The following GRM7 variants were observed in gnomAD, a reference collection of about 807,000 sequenced individuals.
The protein encoded by GRM7 is metabotropic glutamate receptor 7.
GRM7 carries 35 observed loss-of-function variants against 84.5 expected under a neutral mutation model. That is an observed-to-expected ratio of 0.41 (90% CI 0.32 to 0.55). The LOEUF is 0.55. GRM7 is among the 20% of genes least tolerant of loss of function. GRM7 has a pLI of 0.19. For synonymous variants in GRM7, 487 were observed against 455.1 expected, an observed-to-expected ratio of 1.07 and a Z score of -0.89; for missense variants, 1,003 against 1,194.6, an observed-to-expected ratio of 0.84 and a Z score of 2.36.
Position 7,363,773 on chromosome 3 carries a change from C to T in GRM7, c.1034-51250C>T, listed in dbSNP as rs537503836. Reference sequence around the variant, plus strand: ...CCACCGGCAGTTAACAAGAGCTCCTCGAATTCTACATCTTCAACCCTTGAT... The same window carrying T: ...CCACCGGCAGTTAACAAGAGCTCCTTGAATTCTACATCTTCAACCCTTGAT... On this transcript the variant is annotated intron_variant, in intron 4 of 9. Coordinates refer to ENST00000357716, the MANE Select transcript of GRM7 (RefSeq NM_000844.4). 4.6e-5 allele frequency among the ~76,000 whole-genome samples: 7 copies of T among 152,130 alleles called. No individual in the cohort carries two copies. The South Asian group carries it at 1.0e-3, about 23-fold the overall frequency.
intron 1 of GRM7, among the ~76,000 whole-genome samples, chr3:6,942,600 A>G (rs1276265563): frequency 6.6e-6 from 1 of 152,120 alleles, no homozygotes; most frequent in Admixed American, 6.6e-5. Flanking sequence ...TCCATTGTAT[A>G]GTTCACACCA....
At chr3:7,083,362 T>G (rs1698332508) in intron 1 of GRM7, among the ~76,000 whole-genome samples, 1 of 152,158 alleles carries the variant, frequency 6.6e-6, no homozygotes, top group Admixed American at 6.5e-5. Context: ...ATATTTTTTA[T>G]GTATAGTACT....
Position 7,085,950 on chromosome 3 carries a change from G to T in GRM7, c.520-60502G>T, listed in dbSNP as rs890316839. ...TGATGTATAGTTAATAAAATAAAATGTGATAGAAATAATAATGGCAAATTT... is the reference window on the plus strand; with the variant it reads ...TGATGTATAGTTAATAAAATAAAATTTGATAGAAATAATAATGGCAAATTT... On this transcript the variant is annotated intron_variant, in intron 1 of 9. Coordinates refer to ENST00000357716, the MANE Select transcript of GRM7 (RefSeq NM_000844.4). Among the ~76,000 whole-genome samples the T allele has an allele frequency of 8.6e-5, 13 of 151,930 alleles. No individual in the cohort carries two copies. The South Asian group carries it at 1.2e-3, about 15-fold the overall frequency.
chr3:7,435,837 G>A (rs907620728), intron 5 of GRM7, among the ~76,000 whole-genome samples: 17 of 141,776 alleles, frequency 1.2e-4, no homozygotes, highest in South Asian at 2.3e-4. Context: ...ACAGGCGCCC[G>A]CCACCACACC....
At chr3:7,218,607 C>T (rs1696693277) in intron 2 of GRM7, among the ~76,000 whole-genome samples, 1 of 151,910 alleles carries the variant, frequency 6.6e-6, no homozygotes, top group Non-Finnish European at 1.5e-5. Context: ...TCTACCCATT[C>T]TTTAGTGTAA....
intron 1 of GRM7, among the ~76,000 whole-genome samples, chr3:7,026,477 G>A (rs2124920520): frequency 6.6e-6 from 1 of 152,248 alleles, no homozygotes; most frequent in Non-Finnish European, 1.5e-5. Context: ...AATATTCAAG[G>A]ACTTTTCTAT....
At chr3:7,144,883 C>T (rs1470915271) in intron 1 of GRM7, among the ~76,000 whole-genome samples, 1 of 152,132 alleles carries the variant, frequency 6.6e-6, no homozygotes, top group Non-Finnish European at 1.5e-5. Context: ...TGAATTAAGT[C>T]AGGGGCAGAA....
At chr3:7,240,788 A>G (rs1697530246) in intron 2 of GRM7, among the ~76,000 whole-genome samples, 1 of 152,190 alleles carries the variant, frequency 6.6e-6, no homozygotes, top group African/African-American at 2.4e-5. Flanking sequence ...GCAGCATAAC[A>G]ATGTTTCAGT....
At chr3:7,433,740 T>G (rs1696928045) in intron 5 of GRM7, among the ~76,000 whole-genome samples, 1 of 152,206 alleles carries the variant, frequency 6.6e-6, no homozygotes, top group Non-Finnish European at 1.5e-5. Flanking sequence ...AACTAAAATA[T>G]ATTCCCTAAG....
At chr3:7,372,376 C>T (rs1389711920) in intron 4 of GRM7, among the ~76,000 whole-genome samples, 6 of 152,140 alleles carry the variant, frequency 3.9e-5, no homozygotes, top group Admixed American at 6.5e-5. Flanking sequence ...TAACACTGAG[C>T]AAACACTGGA....
rs76083970 is a variant in GRM7, at chr3:7,098,962, G to C, written c.520-47490G>C. 1.4e-3 allele frequency among the ~76,000 whole-genome samples: 216 copies of C among 151,864 alleles called. 1 individual carries two copies. Among genetic ancestry groups the C allele is most frequent in the Non-Finnish European group, 2.3e-3 (155 of 67,808 alleles). ...CAAATATGCTCTCTGATGCCTGTGG[G>C]TTTTTCTTTATTTCAGTACTTATGA... On this transcript the variant is annotated intron_variant, in intron 1 of 9. Coordinates refer to ENST00000357716, the MANE Select transcript of GRM7 (RefSeq NM_000844.4).
At chr3:7,384,014 A>G (rs1332462363) in intron 4 of GRM7, among the ~76,000 whole-genome samples, 1 of 152,142 alleles carries the variant, frequency 6.6e-6, no homozygotes, top group East Asian at 1.9e-4. Flanking sequence ...TAGGCCAAAA[A>G]TAAATAATAC....
intron 1 of GRM7, among the ~76,000 whole-genome samples, chr3:6,921,634 A>G (rs936871186): frequency 6.6e-6 from 1 of 152,104 alleles, no homozygotes; most frequent in Non-Finnish European, 1.5e-5. Context: ...CTTGTGTACC[A>G]GGCTCTGCAC....
At chr3:6,884,888 G>A (rs542444500) in intron 1 of GRM7, among the ~76,000 whole-genome samples, 4 of 152,156 alleles carry the variant, frequency 2.6e-5, no homozygotes, top group Middle Eastern at 3.4e-3. Context: ...GTGAGCCACC[G>A]CGCCCGGCCA....
At chr3:7,407,917 G>T (rs541703887) in intron 4 of GRM7, among the ~76,000 whole-genome samples, 1 of 152,256 alleles carries the variant, frequency 6.6e-6, no homozygotes, top group East Asian at 1.9e-4. Flanking sequence ...ATGTGTGTCT[G>T]AGATAATTTT....
chr3:7,565,592 A>T (rs1360339462), intron 7 of GRM7, among the ~76,000 whole-genome samples: 1 of 152,190 alleles, frequency 6.6e-6, no homozygotes, highest in Non-Finnish European at 1.5e-5. Context: ...AGGAGAGTGA[A>T]GCCAGCTGAC....
intron 1 of GRM7, chr3:6,956,518 G>A (rs942360288): frequency 4.4e-6 from 2 of 454,388 alleles, no homozygotes; most frequent in Non-Finnish European, 8.8e-6. Context: ...AAGAAAACCA[G>A]AGAGATTTCT....
chr3:7,598,888 A>G (rs1004829545), intron 8 of GRM7, among the ~76,000 whole-genome samples: 1 of 152,166 alleles, frequency 6.6e-6, no homozygotes, highest in Non-Finnish European at 1.5e-5. Context: ...CAGAAGGACT[A>G]CAAGCTTGAA....
intron 8 of GRM7, among the ~76,000 whole-genome samples, chr3:7,676,994 G>C (rs1413928257): frequency 6.6e-6 from 1 of 151,948 alleles, no homozygotes; most frequent in African/African-American, 2.4e-5. Flanking sequence ...GGGCATGGTG[G>C]CTCACGCCTG....
Sources: allele counts gnomAD v4.1 joint callset (sites outside exome capture counted in the v4.1 genomes callset), GRCh38; gene constraint gnomAD v4.1.1; transcripts MANE v1.5; gene names NCBI Gene and HGNC (gene_info 2026-07-23, HGNC 2026-07-21).